DAB1: variants seen among roughly 807,000 people sequenced by gnomAD.
DAB1 encodes the protein disabled homolog 1.
In DAB1, 15 loss-of-function variants were observed where a neutral mutation model predicts 64.6. The ratio of observed to expected loss-of-function variants is 0.23; its 90% CI spans 0.16 to 0.36. The LOEUF (loss-of-function observed/expected upper bound fraction) is 0.36. Ranked by LOEUF, DAB1 falls within the 10% of genes least tolerant of loss-of-function variation. The pLI, the probability that DAB1 is intolerant of heterozygous loss-of-function variation, is 1.00. For missense variants in DAB1, 596 were observed against 706.7 expected (o/e 0.84, Z 1.78); for synonymous variants, 235 against 251.9 (o/e 0.93, Z 0.64).
intron 5 of DAB1, among the ~76,000 whole-genome samples, chr1:58,119,242 G>A (rs1444310169): frequency 3.9e-5 from 6 of 151,932 alleles, no homozygotes; most frequent in African/African-American, 1.5e-4. Context: ...GTGTGTGTGT[G>A]TGTGTGTGTG....
chr1:57,417,332 G>A (rs184645335), intron 1 of DAB1, among the ~76,000 whole-genome samples: 129 of 152,170 alleles, frequency 8.5e-4, no homozygotes, highest in Admixed American at 1.9e-3. Context: ...TATAAATAAC[G>A]CCCACAAGCT....
chr1:58,306,020 T>C (rs1370393646), intron 4 of DAB1, among the ~76,000 whole-genome samples: 1 of 142,412 alleles, frequency 7.0e-6, no homozygotes, highest in Admixed American at 6.9e-5. Flanking sequence ...CCTCCTCCTA[T>C]GAAGGGAAGA....
chr1:57,543,881 T>C lies in DAB1; in HGVS notation n.625+105711A>G, dbSNP rs371919920. On this transcript the variant is annotated intron_variant and non_coding_transcript_variant, in intron 7 of 20. Coordinates refer to the DAB1 transcript ENST00000485760. ...ACTTTGGGAGGCCACAGCCAGAGGA[T>C]TGATTGCTTGAGGCCAGGAGTTCAA... Among the ~76,000 whole-genome samples, 11 of 152,262 alleles carry C rather than the reference T, an allele frequency of 7.2e-5. No individual in the cohort carries two copies. The South Asian group carries it at 1.0e-3, about 14-fold the overall frequency.
intron 6 of DAB1, among the ~76,000 whole-genome samples, chr1:57,769,673 G>A (rs1301431388): frequency 1.2e-4 from 18 of 152,154 alleles, no homozygotes; most frequent in Non-Finnish European, 1.5e-5. Context: ...CCTGAGTTGG[G>A]ACTCTATTCT....
chr1:57,144,461 C>G (rs756674068), intron 3 of DAB1, among the ~76,000 whole-genome samples: 1 of 151,860 alleles, frequency 6.6e-6, no homozygotes, highest in African/African-American at 2.4e-5. Context: ...TTTGGGAGGC[C>G]GAGGCGGACG....
At chr1:57,374,944 T>C (rs909538531) in intron 1 of DAB1, among the ~76,000 whole-genome samples, 1 of 152,184 alleles carries the variant, frequency 6.6e-6, no homozygotes, top group Non-Finnish European at 1.5e-5. Flanking sequence ...CAGCCCATTT[T>C]GTAATGGCTG....
Position 57,458,167 on chromosome 1 carries a change from C to T in DAB1, n.626-167001G>A, listed in dbSNP as rs539236984. Among the ~76,000 whole-genome samples the T allele has an allele frequency of 8.5e-4, 129 of 152,178 alleles. 2 individuals are homozygous for T. The South Asian group carries it at 0.016, about 19-fold the overall frequency. ...CATTTATTTGTAGCACATATGTATA[C>T]ATACTATATATATTCTTTTGTAATT... is the stretch of plus-strand genomic sequence containing the variant. On this transcript the variant is annotated intron_variant and non_coding_transcript_variant, in intron 7 of 20. Coordinates refer to the DAB1 transcript ENST00000485760.
chr1:58,381,336 G>A (rs914181126), intron 3 of DAB1, among the ~76,000 whole-genome samples: 9 of 152,140 alleles, frequency 5.9e-5, no homozygotes, highest in African/African-American at 2.2e-4. Context: ...GGGAGAAGTA[G>A]GCCAGGGTCA....
chr1:58,311,262 TATTC>T (rs1662423021), intron 4 of DAB1, among the ~76,000 whole-genome samples: 1 of 152,214 alleles, frequency 6.6e-6, no homozygotes, highest in South Asian at 2.1e-4. Context: ...GTCTTTGCTT[TATTC>T]AAAGAAAGTC....
intron 4 of DAB1, among the ~76,000 whole-genome samples, chr1:58,166,243 G>A (rs1318263113): frequency 6.6e-6 from 1 of 152,086 alleles, no homozygotes; most frequent in Non-Finnish European, 1.5e-5. Context: ...ACATAACCGT[G>A]CAACTATCAC....
intron 3 of DAB1, among the ~76,000 whole-genome samples, chr1:58,489,401 G>A (rs1263646666): frequency 6.6e-6 from 1 of 152,228 alleles, no homozygotes; most frequent in Admixed American, 6.5e-5. Context: ...GGGGAGGGGT[G>A]CCTGCCATTG....
At chr1:57,398,955 CCTT>C (rs1683029172) in intron 1 of DAB1, among the ~76,000 whole-genome samples, 2 of 152,140 alleles carry the variant, frequency 1.3e-5, no homozygotes, top group African/African-American at 4.8e-5. Flanking sequence ...GTATTGAAGT[CCTT>C]CTTCTGGGGA....
intron 5 of DAB1, among the ~76,000 whole-genome samples, chr1:57,978,288 C>A (rs2100331719): frequency 6.6e-6 from 1 of 152,260 alleles, no homozygotes; most frequent in South Asian, 2.1e-4. Flanking sequence ...TGATCTTTGA[C>A]AAACCTGAAA....
chr1:57,376,041 A>G (rs1680873009), intron 1 of DAB1, among the ~76,000 whole-genome samples: 1 of 152,188 alleles, frequency 6.6e-6, no homozygotes, highest in Non-Finnish European at 1.5e-5. Context: ...AGATGCTAGG[A>G]TGTGCTGCAA....
At chr1:57,523,101 T>C (rs1218290356) in intron 7 of DAB1, among the ~76,000 whole-genome samples, 1 of 152,202 alleles carries the variant, frequency 6.6e-6, no homozygotes, top group African/African-American at 2.4e-5. Context: ...GTGAGCCAAT[T>C]CTTCTTAATA....
At chr1:57,067,022 A>T (rs961990361) in intron 8 of DAB1, among the ~76,000 whole-genome samples, 1 of 152,018 alleles carries the variant, frequency 6.6e-6, no homozygotes, top group African/African-American at 2.4e-5. Flanking sequence ...TTAAAAAAAA[A>T]ATGAGGCGCC....
At chr1:58,477,109 C>T (rs1050956043) in intron 3 of DAB1, among the ~76,000 whole-genome samples, 1 of 152,212 alleles carries the variant, frequency 6.6e-6, no homozygotes, top group African/African-American at 2.4e-5. Context: ...TACTTGAATG[C>T]ATACTTGGAC....
At chr1:57,687,599 C>CAAAAAAAAAA (rs57316234) in intron 6 of DAB1, among the ~76,000 whole-genome samples, 174 of 82,344 alleles carry the variant, frequency 2.1e-3, no homozygotes, top group African/African-American at 4.8e-3. Flanking sequence ...TCTTAAGAAA[C>CAAAAAAAAAA]AAAAAAAAAA....
At chr1:57,544,701 C>T (rs1359509682) in intron 7 of DAB1, among the ~76,000 whole-genome samples, 1 of 152,130 alleles carries the variant, frequency 6.6e-6, no homozygotes, top group Non-Finnish European at 1.5e-5. Context: ...GTAATAGAAT[C>T]ATGGCAGTGG....
Sources: gnomAD v4.1 joint callset for allele counts (sites outside exome capture counted in the v4.1 genomes callset) on GRCh38, gnomAD v4.1.1 for gene constraint, MANE v1.5 for transcripts, NCBI Gene and HGNC (gene_info 2026-07-23, HGNC 2026-07-21) for gene names.